SARAF: variants seen among roughly 807,000 people sequenced by gnomAD.
The protein encoded by SARAF is store-operated calcium entry associated regulatory factor.
In SARAF, 23 loss-of-function variants were observed where a neutral mutation model predicts 39.7. The ratio of observed to expected loss-of-function variants is 0.58; its 90% confidence interval spans 0.42 to 0.82. The LOEUF is 0.82. Among genes scored for constraint, SARAF ranks in the 40% least tolerant of loss-of-function variants. The pLI, the probability that SARAF is intolerant of heterozygous loss-of-function variation, is 0.00. For missense variants in SARAF, 384 were observed against 418.5 expected (o/e 0.92, Z 0.72); for synonymous variants, 175 against 168.5 (o/e 1.04, Z -0.30).
intron 5 of SARAF, 90 bp from the exon 6 acceptor site, chr8:30,064,003 C>T: frequency 8.7e-7 from 1 of 1,144,850 alleles, no homozygotes; most frequent in African/African-American, 1.5e-5. Context: ...TTATTGTCAG[C>T]AAATGAATGA....
At chr8:30,069,139 T>TA (rs1461880079) in intron 3 of SARAF, among the ~76,000 whole-genome samples, 1 of 139,936 alleles carries the variant, frequency 7.1e-6, no homozygotes, top group Admixed American at 7.1e-5. Context: ...CAGGCATTTT[T>TA]TTTTTTTTTT....
chr8:30,076,862 T>C (rs1387953791), intron 1 of SARAF, among the ~76,000 whole-genome samples: 2 of 152,168 alleles, frequency 1.3e-5, no homozygotes, highest in Admixed American at 6.5e-5. Flanking sequence ...CCTCCAGAAC[T>C]GTGAGAAATG....
chr8:30,074,729 GAA>G (rs1300872595), intron 1 of SARAF, among the ~76,000 whole-genome samples: 3 of 152,122 alleles, frequency 2.0e-5, no homozygotes, highest in Admixed American at 6.5e-5. Context: ...GAGAGAGAAA[GAA>G]AAGAGATTTT....
At chr8:30,071,402 C>T (rs1801839225) in intron 2 of SARAF, among the ~76,000 whole-genome samples, 1 of 152,156 alleles carries the variant, frequency 6.6e-6, no homozygotes, top group South Asian at 2.1e-4. Context: ...GGTTCTGTTG[C>T]CCTTCTGCAA....
rs1451555691 is a variant in SARAF, at chr8:30,075,619, T to C, written c.104-1564A>G. Among the ~76,000 whole-genome samples, 3 of 152,184 alleles carry C rather than the reference T, an allele frequency of 2.0e-5. No homozygotes were observed. In the East Asian group the frequency reaches 5.8e-4, roughly 29 times the overall value. Reference sequence around the variant, plus strand: ...TGGAGACCATGAGTTTTCAAACTGATAGTATCCTCTAATCAGCTTCCTGGC... The same window carrying C: ...TGGAGACCATGAGTTTTCAAACTGACAGTATCCTCTAATCAGCTTCCTGGC... On this transcript the variant is annotated intron_variant, in intron 1 of 5. Coordinates refer to ENST00000256255, the MANE Select transcript of SARAF (RefSeq NM_016127.6).
Position 30,063,721 on chromosome 8 carries a change from T to G in SARAF, c.*167A>C. ...CATAAGTATTTTGTCACACATCAAC[T>G]TTTAGCCTCAAATAATAGAATACAA... On this transcript the variant is annotated 3_prime_UTR_variant, in exon 6 of 6. Coordinates refer to ENST00000256255, the MANE Select transcript of SARAF (RefSeq NM_016127.6). 7.8e-6 allele frequency: 5 copies of G among 642,188 alleles called. No homozygotes were observed. The South Asian group carries it at 9.6e-5, about 12-fold the overall frequency. The allele number at this position is 642,188 out of a possible 1,614,324, so 39.8% of individuals were successfully genotyped here.
At position 30,063,067 on chromosome 8, in the gene SARAF, G is replaced by A. The variant is rs1165622839; in HGVS notation, c.*821C>T. 1.3e-5 allele frequency: 2 copies of A among 152,050 alleles called. No homozygotes were observed. Among genetic ancestry groups the A allele is most frequent in the Non-Finnish European group, 2.9e-5 (2 of 68,014 alleles). 9.4% of individuals were successfully genotyped at this position (152,050 alleles called of 1,614,324 possible). A position where few individuals can be genotyped will look rare whatever the true frequency, so the allele number is the denominator to read the frequency against. On this transcript the variant is annotated 3_prime_UTR_variant, in exon 6 of 6. Transcript: ENST00000256255. ...AAAACAAAAAGTAACATTTATTTGC[G>A]CCTAGGCTAATAGAAAGAATGAGAC... is the stretch of plus-strand genomic sequence containing the variant.
intron 5 of SARAF, 91 bp downstream of exon 5, chr8:30,065,897 G>T: frequency 6.8e-7 from 1 of 1,460,844 alleles, no homozygotes; most frequent in African/African-American, 1.4e-5. Flanking sequence ...ATAAAACCAT[G>T]GTTGCTAAAC....
chr8:30,081,594 C>A (rs1485278245), intron 1 of SARAF, among the ~76,000 whole-genome samples: 1 of 152,208 alleles, frequency 6.6e-6, no homozygotes, highest in Non-Finnish European at 1.5e-5. Context: ...CTCATTTCAG[C>A]ATGTAAGAAT....
Position 30,066,088 on chromosome 8 carries a change from G to T in SARAF, c.894C>A (p.Ser298=). The change falls in exon 5 of 6, where the codon TCC becomes TCA. Residue 298 remains serine, a synonymous_variant. Transcript: ENST00000256255. The part of the protein sequence containing the change: ...DSWYYPSYPP[S]YPGTWNRAYS... The stretch of plus-strand genomic sequence containing the variant: ...AAGCCCTATTCCACGTGCCAGGGTA[G>T]GAGGGAGGATAGGACGGGTAGTACC... 1 of 1,614,172 alleles carries T rather than the reference G, an allele frequency of 6.2e-7. No individual in the cohort carries two copies. The highest frequency in any genetic ancestry group is 8.5e-7 in the Non-Finnish European group (1 of 1,180,030).
intron 1 of SARAF, among the ~76,000 whole-genome samples, chr8:30,075,986 AAAAACAAAAAAAAAAAAAC>A (rs1449691238): frequency 8.5e-6 from 1 of 117,680 alleles, no homozygotes; most frequent in Non-Finnish European, 1.8e-5. Context: ...ATCCCTAAAA[AAAAACAAAAAAAAAAAAAC>A]AAAAAACGGG....
intron 2 of SARAF, among the ~76,000 whole-genome samples, chr8:30,072,394 T>A (rs771895957): frequency 5.3e-5 from 8 of 152,236 alleles, no homozygotes; most frequent in Non-Finnish European, 1.0e-4. Flanking sequence ...GTCTTTTCAC[T>A]TTCTTGATGA....
intron 2 of SARAF, among the ~76,000 whole-genome samples, chr8:30,071,774 G>A (rs1191606527): frequency 1.3e-5 from 2 of 152,128 alleles, no homozygotes; most frequent in Non-Finnish European, 2.9e-5. Flanking sequence ...CCACGTTGTA[G>A]CATGTATTAC....
At chr8:30,081,828 T>C (rs546435275) in intron 1 of SARAF, among the ~76,000 whole-genome samples, 82 of 152,236 alleles carry the variant, frequency 5.4e-4, no homozygotes, top group Admixed American at 1.6e-3. Flanking sequence ...GACATATACG[T>C]ATTAATTGCA....
rs572172068 is a variant in SARAF at position 30,069,753 on chromosome 8, C to T, written c.589G>A (p.Gly197Arg). The change falls in exon 3 of 6, where the codon GGG (glycine) becomes AGG (arginine). Residue 197 changes from glycine to arginine, a missense_variant. Gly to Arg is a moderately radical substitution (Grantham distance 125, BLOSUM62 -2). Transcript: ENST00000256255. ...FVVYKLFLSD[G>R]QYSPPPYSEY... ...GAGTACGGTGGAGGAGAATACTGCCCGTCACTCAGGAACAGCTTATAGACT... is the reference window on the plus strand; with the variant it reads ...GAGTACGGTGGAGGAGAATACTGCCTGTCACTCAGGAACAGCTTATAGACT... 6.1e-5 allele frequency: 99 copies of T among 1,613,976 alleles called. No homozygotes were observed. The South Asian group carries it at 8.6e-4, about 14-fold the overall frequency.
At chr8:30,072,112 CTTG>C (rs1225777463) in intron 2 of SARAF, among the ~76,000 whole-genome samples, 2 of 152,150 alleles carry the variant, frequency 1.3e-5, no homozygotes, top group East Asian at 1.9e-4. Context: ...CCTCACCAGC[CTTG>C]TTATCTTTTT....
rs1801599520 is a variant in SARAF, at chr8:30,063,274, A to C, written c.*614T>G. The stretch of plus-strand genomic sequence containing the variant: ...GTTTCAAGCATTTTTGCCAGCACAG[A>C]GTCATTCACAACAACCTTCTAGATG... On this transcript the variant is annotated 3_prime_UTR_variant, in exon 6 of 6. Transcript: ENST00000256255. 1 of 152,370 alleles carries C rather than the reference A, an allele frequency of 6.6e-6. No individual in the cohort carries two copies. The highest frequency in any genetic ancestry group is 6.5e-5 in the Admixed American group (1 of 15,298). 9.4% of individuals were successfully genotyped at this position (152,370 alleles called of 1,614,324 possible).
chr8:30,066,211 A>G lies in SARAF; in HGVS notation c.843-72T>C, dbSNP rs542813029. On this transcript the variant is annotated intron_variant, in intron 4 of 5. Transcript: ENST00000256255. ...AATTTTTAAATACCTTCCTGTTCCT[A>G]AACTGTCAGAAAAAAATATCTTTAT... 10 of 1,441,808 alleles carry G rather than the reference A, an allele frequency of 6.9e-6. No individual in the cohort carries two copies. In the African/African-American group the frequency reaches 1.4e-4, roughly 21 times the overall value. The allele number at this position is 1,441,808 out of a possible 1,614,324, so 89.3% of individuals were successfully genotyped here. A position where few individuals can be genotyped will look rare whatever the true frequency, so the allele number is the denominator to read the frequency against.
chr8:30,072,467 A>T (rs1192143917), intron 2 of SARAF, among the ~76,000 whole-genome samples: 2 of 152,182 alleles, frequency 1.3e-5, no homozygotes, highest in East Asian at 3.8e-4. Context: ...TGTTGCTGTT[A>T]CTACACTGTT....
Sources: gnomAD v4.1 joint callset for allele counts (sites outside exome capture counted in the v4.1 genomes callset) on GRCh38, gnomAD v4.1.1 for gene constraint, MANE v1.5 for transcripts, NCBI Gene and HGNC (gene_info 2026-07-23, HGNC 2026-07-21) for gene names.